Variants in PTGIS observed in about 807,000 individuals in gnomAD.
The protein encoded by PTGIS is prostaglandin I2 synthase, also known as prostacyclin synthase.
A neutral mutation model predicts 50.3 loss-of-function variants in PTGIS; 45 were observed. The observed-to-expected ratio is 0.90, with a 90% confidence interval of 0.70 to 1.15. The LOEUF (loss-of-function observed/expected upper bound fraction) is 1.15. Ranked by LOEUF, PTGIS falls within the 50% of genes most tolerant of loss-of-function variation. The pLI is 0.00. For missense variants in PTGIS, 668 were observed against 661.3 expected (o/e 1.01, Z -0.11); for synonymous variants, 260 against 267.7 (o/e 0.97, Z 0.28).
chr20:49,523,354 GAC>G (rs1979260563), intron 6 of PTGIS, among the ~76,000 whole-genome samples: 1 of 152,074 alleles, frequency 6.6e-6, no homozygotes. Flanking sequence ...GAGAGAGAGA[GAC>G]AGAGAGAGAG....
At chr20:49,509,365 A>G (rs1981248262) in intron 9 of PTGIS, among the ~76,000 whole-genome samples, 1 of 152,242 alleles carries the variant, frequency 6.6e-6, no homozygotes, top group African/African-American at 2.4e-5. Context: ...GATAAAAATA[A>G]CAACAAATTA....
At chr20:49,552,747 C>T (rs527503684) in intron 1 of PTGIS, among the ~76,000 whole-genome samples, 1 of 152,132 alleles carries the variant, frequency 6.6e-6, no homozygotes, top group Non-Finnish European at 1.5e-5. Flanking sequence ...CAGAAAGTCA[C>T]ATGGATGTAA....
intron 5 of PTGIS, among the ~76,000 whole-genome samples, chr20:49,526,627 C>G (rs1027730005): frequency 1.3e-5 from 2 of 152,126 alleles, no homozygotes; most frequent in African/African-American, 4.8e-5. Flanking sequence ...TACGACTCAA[C>G]AACAATAAAA....
intron 5 of PTGIS, among the ~76,000 whole-genome samples, chr20:49,538,670 T>C (rs1039434509): frequency 7.5e-6 from 1 of 134,118 alleles, no homozygotes; most frequent in African/African-American, 3.1e-5. Context: ...TGCATTTATT[T>C]ATTTATTTAT....
In PTGIS at chr20:49,513,226, C is replaced by A. The variant is rs1200547143; in HGVS notation, c.1060G>T (p.Ala354Ser). 26 of 1,613,944 alleles carry A rather than the reference C, an allele frequency of 1.6e-5. No homozygotes were observed. The highest frequency in any genetic ancestry group is 2.1e-5 in the Non-Finnish European group (25 of 1,180,026). ...VLSESLRLTA[A>S]PFITREVVVD... ...ACAACCTCGCGGGTGATGAAGGGGG[C>A]AGCTGTAAGCCTGAGGCTCTCACTC... Residue 354 changes from alanine to serine, a missense_variant, in exon 8 of 10, where the codon GCC becomes TCC. By Grantham distance (99) the Ala-to-Ser change is moderately conservative. Coordinates refer to ENST00000244043, the MANE Select transcript of PTGIS (RefSeq NM_000961.4).
intron 1 of PTGIS, among the ~76,000 whole-genome samples, chr20:49,559,948 G>A (rs555217197): frequency 8.7e-5 from 13 of 148,924 alleles, no homozygotes; most frequent in African/African-American, 2.5e-4. Context: ...TTTTTGAGAC[G>A]GAATCTTGGT....
intron 5 of PTGIS, among the ~76,000 whole-genome samples, chr20:49,527,742 A>G (rs1034225265): frequency 3.9e-5 from 6 of 152,342 alleles, no homozygotes; most frequent in African/African-American, 1.4e-4. Flanking sequence ...TGGTTAAAAT[A>G]GTATATTTTA....
chr20:49,563,738 T>C (rs1273666280), intron 1 of PTGIS, among the ~76,000 whole-genome samples: 2 of 152,214 alleles, frequency 1.3e-5, no homozygotes, highest in Non-Finnish European at 2.9e-5. Context: ...ACAGATTTAT[T>C]TGTGCCTACA....
rs10637368 is a variant in PTGIS, at chr20:49,505,122, C to CAAAAAA, written c.*2792_*2797dup. 9.5e-5 allele frequency: 7 copies of CAAAAAA among 73,320 alleles called. No homozygotes were observed. The highest frequency in any genetic ancestry group is 2.4e-4 in the African/African-American group (5 of 20,490). 4.5% of individuals were successfully genotyped at this position (73,320 alleles called of 1,614,324 possible). On this transcript the variant is annotated 3_prime_UTR_variant, in exon 10 of 10. Coordinates refer to ENST00000244043, the MANE Select transcript of PTGIS (RefSeq NM_000961.4). ...TGGGCAGCAGAGCGAGACTCCATCT[C>CAAAAAA]AAAAAAAAAAAAAAAAAAAGAGTAT...
In PTGIS at chr20:49,550,058, G is replaced by A. The variant is rs780500134; in HGVS notation, c.198+8C>T. 4 of 1,614,012 alleles carry A rather than the reference G, an allele frequency of 2.5e-6. No homozygotes were observed. The African/African-American group carries it at 5.3e-5, about 22-fold the overall frequency. On this transcript the variant is annotated splice_region_variant and intron_variant, in intron 2 of 9. Transcript: ENST00000244043. ...CCCCATCCCTCCCGAGGCACAAGAG[G>A]CACTTACAGTAAAGATGTCACCGTG...
intron 9 of PTGIS, among the ~76,000 whole-genome samples, chr20:49,508,351 CTG>C (rs1981213879): frequency 6.6e-6 from 1 of 152,220 alleles, no homozygotes; most frequent in African/African-American, 2.4e-5. Flanking sequence ...GGCTCTCCAG[CTG>C]TCCCTCCTGC....
intron 1 of PTGIS, among the ~76,000 whole-genome samples, chr20:49,566,072 A>T (rs1312048607): frequency 6.6e-6 from 1 of 151,948 alleles, no homozygotes; most frequent in East Asian, 1.9e-4. Context: ...TCTACTAAAA[A>T]TACAAAAATT....
chr20:49,561,631 G>T (rs373923914), intron 1 of PTGIS, among the ~76,000 whole-genome samples: 2 of 152,220 alleles, frequency 1.3e-5, no homozygotes, highest in Non-Finnish European at 2.9e-5. Context: ...GTCACGATGA[G>T]CCCAAACTTT....
Position 49,523,960 on chromosome 20 carries a change from C to T in PTGIS, c.855+98G>A. 4.2e-6 allele frequency: 6 copies of T among 1,438,680 alleles called. No homozygotes were observed. The South Asian group carries it at 7.1e-5, about 17-fold the overall frequency. The allele number at this position is 1,438,680 out of a possible 1,614,324, so 89.1% of individuals were successfully genotyped here. ...ATGCACACACAGGCATAGTCATGTGCACACCTGCACAGGTGCACAGACATG... is the reference window on the plus strand; with the variant it reads ...ATGCACACACAGGCATAGTCATGTGTACACCTGCACAGGTGCACAGACATG... On this transcript the variant is annotated intron_variant, in intron 6 of 9. Coordinates refer to ENST00000244043, the MANE Select transcript of PTGIS (RefSeq NM_000961.4).
chr20:49,560,694 C>T (rs1159572925), intron 1 of PTGIS, among the ~76,000 whole-genome samples: 1 of 152,148 alleles, frequency 6.6e-6, no homozygotes, highest in Non-Finnish European at 1.5e-5. Context: ...AAGAGTGTTA[C>T]AGGCAGAGGC....
In PTGIS at chr20:49,539,652, G is replaced by A. The variant is rs5625; in HGVS notation, c.591C>T (p.Arg197=). 4.1e-3 allele frequency: 6,636 copies of A among 1,613,910 alleles called. 107 individuals carry two copies. Among genetic ancestry groups the A allele is most frequent in the African/African-American group, 0.036 (2,676 of 75,042 alleles). ...TGTGGAAGACATCAGCTGAGTGGACGCGGTCCTGGGCCTGGCTTTCATGGG... is the reference window on the plus strand; with the variant it reads ...TGTGGAAGACATCAGCTGAGTGGACACGGTCCTGGGCCTGGCTTTCATGGG... ...PRTHESQAQD[R]VHSADVFHTF... is the part of the protein sequence containing the mutation. Residue 197 remains arginine (R), a synonymous_variant, in exon 5 of 10, where the codon CGC becomes CGT. Transcript: ENST00000244043.
At chr20:49,528,502 C>T (rs1168009090) in intron 5 of PTGIS, among the ~76,000 whole-genome samples, 2 of 152,056 alleles carry the variant, frequency 1.3e-5, no homozygotes, top group African/African-American at 4.8e-5. Flanking sequence ...CGCCTGTAGT[C>T]CCAGCTACTC....
At chr20:49,547,778 C>T (rs142779301) in intron 3 of PTGIS, 63 bp downstream of exon 3, 1 of 1,548,510 alleles carries the variant, frequency 6.5e-7, no homozygotes, top group South Asian at 1.1e-5. Context: ...TAACTTGGGC[C>T]ACATGAGTAG....
chr20:49,509,798 T>C (rs970431670), intron 9 of PTGIS, among the ~76,000 whole-genome samples: 1 of 151,904 alleles, frequency 6.6e-6, no homozygotes. Flanking sequence ...CTTTTTTTTT[T>C]ATTATGTCAC....
Sources: allele counts gnomAD v4.1 joint callset (sites outside exome capture counted in the v4.1 genomes callset), GRCh38; gene constraint gnomAD v4.1.1; transcripts MANE v1.5; gene names NCBI Gene and HGNC (gene_info 2026-07-23, HGNC 2026-07-21).